MIPOL1: variants seen among roughly 807,000 people sequenced by gnomAD.
The protein encoded by MIPOL1 is mirror-image polydactyly 1.
In MIPOL1, 57 loss-of-function variants were observed where a neutral mutation model predicts 60.9. That is an observed-to-expected ratio of 0.94 (90% CI 0.76 to 1.17). MIPOL1 has a LOEUF of 1.17. Ranked by LOEUF, MIPOL1 falls within the 50% of genes most tolerant of loss-of-function variation. MIPOL1 has a pLI of 0.00. For missense variants in MIPOL1, 551 were observed against 511.6 expected (o/e 1.08, Z -0.74); for synonymous variants, 179 against 168.8 (o/e 1.06, Z -0.47).
At chr14:37,268,890 A>G (rs962608751) in intron 5 of MIPOL1, 97 bp downstream of exon 5, 1 of 1,015,984 alleles carries the variant, frequency 9.8e-7, no homozygotes, top group African/African-American at 1.7e-5. Context: ...TTTATTTTGC[A>G]CTTTAATCAT....
chr14:37,231,314 C>A (rs966971567), intron 1 of MIPOL1, among the ~76,000 whole-genome samples: 6 of 152,130 alleles, frequency 3.9e-5, no homozygotes, highest in Admixed American at 3.3e-4. Flanking sequence ...TCTCAAACTC[C>A]TGGCCTCAAG....
At chr14:37,477,177 G>A (rs549675125) in intron 11 of MIPOL1, among the ~76,000 whole-genome samples, 9 of 152,016 alleles carry the variant, frequency 5.9e-5, no homozygotes, top group Non-Finnish European at 1.3e-4. Context: ...TAGGATTACA[G>A]GCGTGAGCCA....
At chr14:37,533,925 C>A (rs1156289773) in intron 12 of MIPOL1, among the ~76,000 whole-genome samples, 16 of 151,802 alleles carry the variant, frequency 1.1e-4, no homozygotes, top group Admixed American at 1.0e-3. Flanking sequence ...TCCATCTCTA[C>A]TAAAGTACAA....
At chr14:37,299,158 G>A (rs2086107324) in intron 7 of MIPOL1, among the ~76,000 whole-genome samples, 1 of 152,098 alleles carries the variant, frequency 6.6e-6, no homozygotes, top group Non-Finnish European at 1.5e-5. Context: ...GGACATGGAT[G>A]AAGCTGGAAA....
chr14:37,518,698 A>G (rs1254275721), intron 12 of MIPOL1, among the ~76,000 whole-genome samples: 3 of 152,172 alleles, frequency 2.0e-5, no homozygotes, highest in African/African-American at 7.2e-5. Flanking sequence ...AAAGCAACAC[A>G]CACATCTAGC....
At chr14:37,326,700 A>G (rs1251225526) in intron 9 of MIPOL1, among the ~76,000 whole-genome samples, 1 of 152,158 alleles carries the variant, frequency 6.6e-6, no homozygotes, top group African/African-American at 2.4e-5. Flanking sequence ...CATGCCTGCT[A>G]TCATGTTTAC....
chr14:37,481,583 A>T lies in MIPOL1; in HGVS notation c.1032-18325A>T, dbSNP rs1459562089. 6.0e-5 allele frequency among the ~76,000 whole-genome samples: 9 copies of T among 150,440 alleles called. No homozygotes were observed. In the East Asian group the frequency reaches 1.8e-3, roughly 30 times the overall value. On this transcript the variant is annotated intron_variant, in intron 11 of 12. Transcript: ENST00000684589. ...CCAACACACACACACACACACACAC[A>T]CACACACACACACACACACACACAC...
At chr14:37,275,595 G>A (rs1162886495) in intron 6 of MIPOL1, among the ~76,000 whole-genome samples, 1 of 150,686 alleles carries the variant, frequency 6.6e-6, no homozygotes, top group Non-Finnish European at 1.5e-5. Flanking sequence ...ATTATCTAGT[G>A]TTTTTGTTTC....
intron 10 of MIPOL1, among the ~76,000 whole-genome samples, chr14:37,392,599 C>G (rs541510789): frequency 6.6e-6 from 1 of 152,158 alleles, no homozygotes; most frequent in South Asian, 2.1e-4. Flanking sequence ...TTGCCTTGTT[C>G]TCTATCTTGA....
intron 12 of MIPOL1, among the ~76,000 whole-genome samples, chr14:37,524,158 G>T (rs1460851848): frequency 1.3e-5 from 2 of 152,106 alleles, no homozygotes; most frequent in African/African-American, 2.4e-5. Context: ...TTCAATCCGG[G>T]ATATATTCTG....
chr14:37,199,048 G>A (rs1434995056), intron 1 of MIPOL1, among the ~76,000 whole-genome samples: 1 of 152,180 alleles, frequency 6.6e-6, no homozygotes, highest in East Asian at 1.9e-4. Context: ...ATGGCAATCA[G>A]CAAAATGAAT....
chr14:37,392,132 C>CA (rs1216730703), intron 10 of MIPOL1, among the ~76,000 whole-genome samples: 11 of 151,644 alleles, frequency 7.3e-5, no homozygotes, highest in Non-Finnish European at 1.3e-4. Context: ...TCTGTATTTA[C>CA]AAAAAAAATC....
chr14:37,276,354 T>A (rs1191899328), intron 6 of MIPOL1: 1 of 151,102 alleles, frequency 6.6e-6, no homozygotes, highest in Admixed American at 6.6e-5. Context: ...TAATTGTGAT[T>A]GTTCAAAGGA....
At chr14:37,208,550 A>T (rs1966468821) in intron 1 of MIPOL1, among the ~76,000 whole-genome samples, 1 of 152,204 alleles carries the variant, frequency 6.6e-6, no homozygotes, top group Non-Finnish European at 1.5e-5. Flanking sequence ...AGTTTAATGA[A>T]TGAATAAAAA....
rs561841731 is a variant in MIPOL1 at position 37,550,754 on chromosome 14, C to T, written c.*3783C>T. 6.6e-6 allele frequency: 1 copy of T among 152,434 alleles called. No individual in the cohort carries two copies. The highest frequency in any genetic ancestry group is 2.4e-5 in the African/African-American group (1 of 41,416). 9.4% of individuals were successfully genotyped at this position (152,434 alleles called of 1,614,324 possible). A position where few individuals can be genotyped will look rare whatever the true frequency, so the allele number is the denominator to read the frequency against. On this transcript the variant is annotated 3_prime_UTR_variant, in exon 13 of 13. Transcript: ENST00000684589. ...GTTTTAAAAACTCAAATATTTTAAA[C>T]ATTTGTTAAGTTGGAGCTTGCACAT...
At chr14:37,306,438 C>T (rs2086790933) in intron 7 of MIPOL1, among the ~76,000 whole-genome samples, 1 of 151,752 alleles carries the variant, frequency 6.6e-6, no homozygotes, top group Non-Finnish European at 1.5e-5. Context: ...TTTAATTGTC[C>T]TGTATCTGTT....
At chr14:37,266,746 T>C (rs1369607011) in intron 3 of MIPOL1, among the ~76,000 whole-genome samples, 192 bp from the exon 4 acceptor site, 1 of 152,202 alleles carries the variant, frequency 6.6e-6, no homozygotes, top group African/African-American at 2.4e-5. Context: ...CAACTCTTTT[T>C]GGCCTATTTG....
At chr14:37,542,376 C>G (rs2095533123) in intron 12 of MIPOL1, among the ~76,000 whole-genome samples, 1 of 152,070 alleles carries the variant, frequency 6.6e-6, no homozygotes, top group African/African-American at 2.4e-5. Flanking sequence ...TCTCTCTAAA[C>G]ATTTCCATCC....
chr14:37,546,327 T>A (rs1333234107), intron 12 of MIPOL1, among the ~76,000 whole-genome samples: 1 of 152,202 alleles, frequency 6.6e-6, no homozygotes, highest in Non-Finnish European at 1.5e-5. Context: ...TTTATTAGTA[T>A]CAAATCATTG....
Sources: gnomAD v4.1 joint callset for allele counts (sites outside exome capture counted in the v4.1 genomes callset) on GRCh38, gnomAD v4.1.1 for gene constraint, MANE v1.5 for transcripts, NCBI Gene and HGNC (gene_info 2026-07-23, HGNC 2026-07-21) for gene names.